Variants in SNX13 observed in about 807,000 individuals in gnomAD.
SNX13 encodes sorting nexin-13.
In SNX13, 45 loss-of-function variants were observed where a neutral mutation model predicts 133.6. That is an observed-to-expected ratio of 0.34 (90% CI 0.27 to 0.43). The LOEUF (loss-of-function observed/expected upper bound fraction) is 0.43. SNX13 is among the 20% of genes least tolerant of loss of function. The pLI, the probability that SNX13 is intolerant of heterozygous loss-of-function variation, is 1.00. For synonymous variants in SNX13, 414 were observed against 373.9 expected (o/e 1.11, Z -1.24); for missense variants, 1,032 against 1,145.1 (o/e 0.90, Z 1.43).
In SNX13 at chr7:17,854,050, T is replaced by C. The variant is rs184572782; in HGVS notation, c.838-3086A>G. Among the ~76,000 whole-genome samples, 473 of 152,226 alleles carry C rather than the reference T, an allele frequency of 3.1e-3. 5 individuals carry two copies. The highest frequency in any genetic ancestry group is 0.011 in the African/African-American group (462 of 41,544). ...AAGAAAAATGACAACAAAACTGAAA[T>C]TTGTACCTACAAAAAAGAATGAAGG... On this transcript the variant is annotated intron_variant, in intron 9 of 25. Transcript: ENST00000428135.
intron 1 of SNX13, among the ~76,000 whole-genome samples, chr7:17,921,254 T>C (rs925247368): frequency 2.6e-5 from 4 of 152,222 alleles, no homozygotes; most frequent in Non-Finnish European, 4.4e-5. Context: ...ATGTGTTCTC[T>C]AGACTAATAA....
chr7:17,830,245 T>C, intron 15 of SNX13, 198 bp from the exon 16 acceptor site: 1 of 983,728 alleles, frequency 1.0e-6, no homozygotes, highest in South Asian at 4.7e-5. Flanking sequence ...GACAGGCATT[T>C]AAGTGACAAT....
chr7:17,827,737 T>C (rs973549870), intron 16 of SNX13, among the ~76,000 whole-genome samples: 1 of 151,756 alleles, frequency 6.6e-6, no homozygotes, highest in Non-Finnish European at 1.5e-5. Context: ...GCTCTACATC[T>C]CTGTCAGGAC....
chr7:17,875,617 A>C, intron 6 of SNX13, 36 bp from the exon 7 acceptor site: 1 of 1,608,308 alleles, frequency 6.2e-7, no homozygotes, highest in Non-Finnish European at 8.5e-7. Flanking sequence ...TAAAATGATG[A>C]AAGGAAAACA....
In SNX13 at chr7:17,900,891, T is replaced by C. The variant is rs1165243689; in HGVS notation, c.13-3445A>G. 2.4e-4 allele frequency among the ~76,000 whole-genome samples: 36 copies of C among 152,000 alleles called. 1 individual carries two copies. The highest frequency in any genetic ancestry group is 2.4e-3 in the Admixed American group (36 of 15,260). On this transcript the variant is annotated intron_variant, in intron 1 of 25. Coordinates refer to ENST00000428135, the MANE Select transcript of SNX13 (RefSeq NM_015132.5). ...CTCAAACAGAAGAAGTCCCCCCGCATAGTTACCACAACTGGAAATGTACTA... is the reference window on the plus strand; with the variant it reads ...CTCAAACAGAAGAAGTCCCCCCGCACAGTTACCACAACTGGAAATGTACTA...
chr7:17,939,807 G>A (rs1218026435), intron 1 of SNX13, among the ~76,000 whole-genome samples: 1 of 152,246 alleles, frequency 6.6e-6, no homozygotes, highest in Non-Finnish European at 1.5e-5. Flanking sequence ...TCAAAGTAGA[G>A]GGTGGGAAAC....
chr7:17,794,011 G>A lies in SNX13; in HGVS notation c.*34C>T. On this transcript the variant is annotated 3_prime_UTR_variant, in exon 26 of 26. Coordinates refer to ENST00000428135, the MANE Select transcript of SNX13 (RefSeq NM_015132.5). ...AGATCTGTCCATACCATTAGTCCTG[G>A]ACAAAATGAACACCAGCTTCATAGA... 6.2e-7 allele frequency: 1 copy of A among 1,604,276 alleles called. No individual in the cohort carries two copies. Among genetic ancestry groups the A allele is most frequent in the Non-Finnish European group, 8.5e-7 (1 of 1,174,668 alleles).
chr7:17,815,007 A>T, intron 19 of SNX13, 63 bp from the exon 20 acceptor site: 2 of 1,336,436 alleles, frequency 1.5e-6, no homozygotes, highest in Non-Finnish European at 1.9e-6. Flanking sequence ...AGAAATTACC[A>T]TTGTTTATAA....
intron 16 of SNX13, among the ~76,000 whole-genome samples, 152 bp from the exon 17 acceptor site, chr7:17,826,243 T>C (rs1281388105): frequency 6.6e-6 from 1 of 151,942 alleles, no homozygotes; most frequent in East Asian, 1.9e-4. Flanking sequence ...CCATACACAA[T>C]AATATTTTCC....
chr7:17,810,918 A>G (rs2128294806), intron 20 of SNX13, among the ~76,000 whole-genome samples: 1 of 152,340 alleles, frequency 6.6e-6, no homozygotes, highest in South Asian at 2.1e-4. Context: ...GATTATCTCA[A>G]TAGATGCAGA....
chr7:17,831,371 T>C, intron 15 of SNX13: 1 of 839,200 alleles, frequency 1.2e-6, no homozygotes, highest in Non-Finnish European at 1.4e-6. Flanking sequence ...ACTGTTTTAA[T>C]AAAGGAGAAA....
chr7:17,821,038 T>G (rs2723552), intron 18 of SNX13, among the ~76,000 whole-genome samples: 93,999 of 151,874 alleles, frequency 0.62, 30,667 homozygotes, highest in African/African-American at 0.83. Context: ...ATTTATTTTA[T>G]GTTGTGATTC....
chr7:17,801,718 A>C (rs1238047613), intron 21 of SNX13, 59 bp from the exon 22 acceptor site: 2 of 1,283,952 alleles, frequency 1.6e-6, no homozygotes, highest in Non-Finnish European at 1.1e-6. Context: ...GAAAGAACAC[A>C]ACACAATCAT....
At chr7:17,911,040 T>C (rs768579967) in intron 1 of SNX13, among the ~76,000 whole-genome samples, 9 of 152,198 alleles carry the variant, frequency 5.9e-5, no homozygotes, top group Non-Finnish European at 1.0e-4. Flanking sequence ...TTTTACATTA[T>C]GTCAATGCTA....
chr7:17,927,999 C>T (rs1054389434), intron 1 of SNX13, among the ~76,000 whole-genome samples: 8 of 152,172 alleles, frequency 5.3e-5, no homozygotes, highest in Non-Finnish European at 1.0e-4. Flanking sequence ...CTCATTCATA[C>T]AGGACTACAA....
intron 9 of SNX13, among the ~76,000 whole-genome samples, chr7:17,854,436 C>T (rs1791635742): frequency 6.6e-6 from 1 of 152,210 alleles, no homozygotes; most frequent in South Asian, 2.1e-4. Flanking sequence ...TTCAATTCCA[C>T]TGTGCTTGAC....
chr7:17,920,701 G>C (rs1398166659), intron 1 of SNX13, among the ~76,000 whole-genome samples: 2 of 152,064 alleles, frequency 1.3e-5, no homozygotes, highest in African/African-American at 2.4e-5. Flanking sequence ...CTAAGTAAGA[G>C]GGTTCTTTGT....
intron 1 of SNX13, among the ~76,000 whole-genome samples, chr7:17,925,254 C>G (rs1318273501): frequency 6.6e-6 from 1 of 151,996 alleles, no homozygotes; most frequent in East Asian, 1.9e-4. Flanking sequence ...TTAGTGATAG[C>G]CTGCTGTGTG....
In SNX13 at chr7:17,831,954, C is replaced by G. The variant is rs572319780; in HGVS notation, c.1598-1907G>C. 7.4e-5 allele frequency: 73 copies of G among 983,840 alleles called. No homozygotes were observed. In the African/African-American group the frequency reaches 1.1e-3, roughly 15 times the overall value. The allele number at this position is 983,840 out of a possible 1,614,324, so 60.9% of individuals were successfully genotyped here. A position where few individuals can be genotyped will look rare whatever the true frequency, so the allele number is the denominator to read the frequency against. On this transcript the variant is annotated intron_variant, in intron 15 of 25. Coordinates refer to ENST00000428135, the MANE Select transcript of SNX13 (RefSeq NM_015132.5). ...GTAATGTTTCATATTATACCCATCA[C>G]TCCATATACTTTTTTTGAATGGTTT...
Sources: gnomAD v4.1 joint callset for allele counts (sites outside exome capture counted in the v4.1 genomes callset) on GRCh38, gnomAD v4.1.1 for gene constraint, MANE v1.5 for transcripts, NCBI Gene and HGNC (gene_info 2026-07-23, HGNC 2026-07-21) for gene names.